FBXO31: variants seen among roughly 807,000 people sequenced by gnomAD.
FBXO31 encodes the protein F-box protein 31.
FBXO31 carries 24 observed loss-of-function variants against 54.4 expected under a neutral mutation model. The observed-to-expected ratio is 0.44, with a 90% CI of 0.32 to 0.62. The LOEUF (loss-of-function observed/expected upper bound fraction) is 0.62, where lower values mean the gene tolerates loss of function less well. Among genes scored for constraint, FBXO31 ranks in the 20% least tolerant of loss-of-function variants. The pLI is 0.05. For synonymous variants in FBXO31, 388 were observed against 335.6 expected (o/e 1.16, Z -1.71); for missense variants, 665 against 787.1 (o/e 0.84, Z 1.86).
At chr16:87,387,023 G>T (rs896301414), upstream of FBXO31, among the ~76,000 whole-genome samples, 6 of 152,152 alleles carry the variant, frequency 3.9e-5, no homozygotes, top group Admixed American at 1.3e-4. Context: ...AAAAGGCTGG[G>T]AGTGGTGGCT....
chr16:87,360,754 G>A (rs1906095789), intron 1 of FBXO31, among the ~76,000 whole-genome samples: 1 of 152,236 alleles, frequency 6.6e-6, no homozygotes. Context: ...TTAGGGTTCA[G>A]ACAGTGCCAG....
chr16:87,375,726 G>C (rs1435297033), intron 1 of FBXO31, among the ~76,000 whole-genome samples: 1 of 152,162 alleles, frequency 6.6e-6, no homozygotes, highest in Non-Finnish European at 1.5e-5. Context: ...CACCCACCCT[G>C]CCAGGCCCTG....
chr16:87,355,799 T>G (rs1044603494), intron 2 of FBXO31, among the ~76,000 whole-genome samples: 1 of 152,148 alleles, frequency 6.6e-6, no homozygotes, highest in African/African-American at 2.4e-5. Flanking sequence ...GAAGCTTCCC[T>G]CCACCTGCCT....
chr16:87,333,739 C>T, intron 8 of FBXO31, 147 bp downstream of exon 8: 1 of 1,287,112 alleles, frequency 7.8e-7, no homozygotes, highest in Non-Finnish European at 1.1e-6. Flanking sequence ...CCCAAGGGGT[C>T]AGAGGCCGCA....
At chr16:87,374,057 C>G (rs1906717616) in intron 1 of FBXO31, among the ~76,000 whole-genome samples, 1 of 152,008 alleles carries the variant, frequency 6.6e-6, no homozygotes, top group Non-Finnish European at 1.5e-5. Flanking sequence ...CCGGGCAACA[C>G]TGTGAGAACC....
At chr16:87,341,937 C>T (rs926217541) in intron 5 of FBXO31, among the ~76,000 whole-genome samples, 8 of 151,476 alleles carry the variant, frequency 5.3e-5, no homozygotes, top group Admixed American at 2.0e-4. Context: ...CCTGGCCGCG[C>T]GCGATGGCTC....
intron 3 of FBXO31, 23 bp from the exon 4 acceptor site, chr16:87,343,788 G>T: frequency 6.2e-7 from 1 of 1,613,298 alleles, no homozygotes; most frequent in Non-Finnish European, 8.5e-7. Flanking sequence ...ATGGGCAAAG[G>T]TCCATGAGTG....
chr16:87,339,489 C>T (rs1033602800), intron 5 of FBXO31, among the ~76,000 whole-genome samples: 1 of 152,218 alleles, frequency 6.6e-6, no homozygotes, highest in Non-Finnish European at 1.5e-5. Context: ...GAGGGCGCAG[C>T]CAGTGCAGCC....
chr16:87,389,272 G>A (rs940040670), intron 1 of FBXO31, among the ~76,000 whole-genome samples: 4 of 152,198 alleles, frequency 2.6e-5, no homozygotes, highest in South Asian at 2.1e-4. Flanking sequence ...GGAAGGATAT[G>A]TGGCTTTAGA....
At chr16:87,367,294 T>C (rs1449885675) in intron 1 of FBXO31, 3 of 152,204 alleles carry the variant, frequency 2.0e-5, no homozygotes, top group African/African-American at 4.8e-5. Context: ...GTTGTCAATA[T>C]CCCTGCAGAC....
chr16:87,359,831 G>C (rs762257695), intron 2 of FBXO31, among the ~76,000 whole-genome samples: 2 of 152,200 alleles, frequency 1.3e-5, no homozygotes, highest in Non-Finnish European at 2.9e-5. Context: ...AACATGAAAC[G>C]GGGCTGGGGG....
chr16:87,352,916 G>A (rs1233180756), intron 2 of FBXO31, among the ~76,000 whole-genome samples: 1 of 152,202 alleles, frequency 6.6e-6, no homozygotes, highest in Non-Finnish European at 1.5e-5. Context: ...CACCCATCCT[G>A]ACTCAGAGTC....
intron 2 of FBXO31, among the ~76,000 whole-genome samples, chr16:87,347,723 C>A (rs1048264724): frequency 2.6e-5 from 4 of 151,008 alleles, no homozygotes; most frequent in African/African-American, 9.7e-5. Context: ...AAACTATCCT[C>A]AGAAGGCCTA....
chr16:87,384,340 G>A (rs768683219), upstream of FBXO31: 9 of 152,224 alleles, frequency 5.9e-5, no homozygotes, highest in Non-Finnish European at 1.0e-4. Context: ...CCCGAGCTGC[G>A]GAGCTCTGCA....
chr16:87,352,527 G>A (rs138385473), intron 2 of FBXO31, among the ~76,000 whole-genome samples: 48 of 152,270 alleles, frequency 3.2e-4, no homozygotes, highest in African/African-American at 1.2e-3. Flanking sequence ...TCCGCAAACT[G>A]GAGTATCACC....
At chr16:87,385,086 G>A (rs561691550), upstream of FBXO31, among the ~76,000 whole-genome samples, 3 of 152,230 alleles carry the variant, frequency 2.0e-5, no homozygotes, top group East Asian at 1.9e-4. Context: ...TTGGGAGGCC[G>A]AGGCGGGTAG....
rs540609202 is a variant in FBXO31, at chr16:87,361,997, G to A, written c.341-1631C>T. 3.3e-5 allele frequency among the ~76,000 whole-genome samples: 5 copies of A among 152,326 alleles called. No homozygotes were observed. In the South Asian group the frequency reaches 8.3e-4, roughly 25 times the overall value. ...TAAATCCAGTAGGCTCCAGTGAGGA[G>A]TGCCCAGAGTGGGTCCCCTAATAAA... is the stretch of plus-strand genomic sequence containing the variant. On this transcript the variant is annotated intron_variant, in intron 1 of 8. Transcript: ENST00000311635.
intron 2 of FBXO31, among the ~76,000 whole-genome samples, chr16:87,347,637 A>T (rs1233939970): frequency 6.7e-6 from 1 of 149,792 alleles, no homozygotes; most frequent in Admixed American, 6.7e-5. Flanking sequence ...CCGAGATCAC[A>T]CAACTGCACT....
At chr16:87,377,750 G>C (rs1906886271) in intron 1 of FBXO31, among the ~76,000 whole-genome samples, 1 of 151,472 alleles carries the variant, frequency 6.6e-6, no homozygotes, top group African/African-American at 2.4e-5. Context: ...GATTACTTCA[G>C]CCAGGGAGGT....
Sources: gnomAD v4.1 joint callset for allele counts (sites outside exome capture counted in the v4.1 genomes callset) on GRCh38, gnomAD v4.1.1 for gene constraint, MANE v1.5 for transcripts, NCBI Gene and HGNC (gene_info 2026-07-23, HGNC 2026-07-21) for gene names.